Variants in NCALD observed in about 807,000 individuals in gnomAD.
The protein encoded by NCALD is neurocalcin delta.
In NCALD, 10 loss-of-function variants were observed where a neutral mutation model predicts 18.6. That is an observed-to-expected ratio of 0.54 (90% CI 0.33 to 0.91). The LOEUF (loss-of-function observed/expected upper bound fraction) is 0.91, where lower values mean the gene tolerates loss of function less well. NCALD is among the 40% of genes least tolerant of loss of function. The pLI is 0.03. For synonymous variants in NCALD, 88 were observed against 87.4 expected (o/e 1.01, Z -0.04); for missense variants, 184 against 247.6 (o/e 0.74, Z 1.72).
At chr8:101,925,550 C>T (rs917208852) in intron 2 of NCALD, among the ~76,000 whole-genome samples, 3 of 152,088 alleles carry the variant, frequency 2.0e-5, no homozygotes, top group South Asian at 2.1e-4. Context: ...ATTGCCACTT[C>T]GGGTTATGTA....
At chr8:102,077,743 G>A (rs1018711421) in intron 1 of NCALD, among the ~76,000 whole-genome samples, 4 of 152,130 alleles carry the variant, frequency 2.6e-5, no homozygotes, top group Non-Finnish European at 5.9e-5. Context: ...ACACCTTGGT[G>A]GGCCAGATAT....
Position 101,688,736 on chromosome 8 carries a change from T to C in NCALD, c.*573A>G, listed in dbSNP as rs1328750548. 1.9e-6 allele frequency: 1 copy of C among 517,592 alleles called. No homozygotes were observed. Among genetic ancestry groups the C allele is most frequent in the Admixed American group, 2.3e-5 (1 of 44,344 alleles). 32.1% of individuals were successfully genotyped at this position (517,592 alleles called of 1,614,324 possible). ...TTTTCCTCTCCTCTGTTAATTTATCTTGAAATGTTCACAGCTTAGAAACTA... is the reference window on the plus strand; with the variant it reads ...TTTTCCTCTCCTCTGTTAATTTATCCTGAAATGTTCACAGCTTAGAAACTA... On this transcript the variant is annotated 3_prime_UTR_variant, in exon 4 of 4. Coordinates refer to ENST00000220931, the MANE Select transcript of NCALD (RefSeq NM_032041.3).
intron 2 of NCALD, among the ~76,000 whole-genome samples, chr8:101,702,420 G>A (rs1298472835): frequency 6.6e-6 from 1 of 151,978 alleles, no homozygotes; most frequent in Non-Finnish European, 1.5e-5. Flanking sequence ...TGTAGAGACA[G>A]AGTCTCACTA....
At chr8:102,003,322 T>C (rs763987475) in intron 2 of NCALD, among the ~76,000 whole-genome samples, 1 of 152,230 alleles carries the variant, frequency 6.6e-6, no homozygotes, top group Non-Finnish European at 1.5e-5. Flanking sequence ...CTCCCAAGAC[T>C]AAACCAGGAA....
intron 4 of NCALD, among the ~76,000 whole-genome samples, chr8:101,873,963 C>T (rs1415192985): frequency 2.6e-5 from 4 of 152,300 alleles, no homozygotes; most frequent in Non-Finnish European, 4.4e-5. Flanking sequence ...AGGCTAAAGC[C>T]TACAAAGGTC....
At chr8:102,022,433 G>C (rs1197415609) in intron 1 of NCALD, among the ~76,000 whole-genome samples, 3 of 152,164 alleles carry the variant, frequency 2.0e-5, no homozygotes, top group Admixed American at 1.3e-4. Context: ...TCAGATGACT[G>C]CACTCTCTTG....
chr8:101,976,007 A>G (rs1820409839), intron 2 of NCALD, among the ~76,000 whole-genome samples: 1 of 152,036 alleles, frequency 6.6e-6, no homozygotes, highest in Non-Finnish European at 1.5e-5. Context: ...GAAGAAAAGT[A>G]TGCACTCCCC....
chr8:101,714,953 C>A (rs1225798350), intron 2 of NCALD, among the ~76,000 whole-genome samples: 3 of 149,464 alleles, frequency 2.0e-5, no homozygotes. Context: ...GCCGAGATTG[C>A]GCCACTGCAG....
rs759379083 is a variant in NCALD, at chr8:102,054,842, ATC to A, written c.-209-34555_-209-34554del. Among the ~76,000 whole-genome samples, 4 of 152,206 alleles carry A rather than the reference ATC, an allele frequency of 2.6e-5. No individual in the cohort carries two copies. In the South Asian group the frequency reaches 8.3e-4, roughly 32 times the overall value. ...TCTATATTTCTTCCTCTGTCTCTAT[ATC>A]TCTGTCTCTATATCCACACACACGT... is the stretch of plus-strand genomic sequence containing the variant. On this transcript the variant is annotated intron_variant, in intron 1 of 6. Coordinates refer to the NCALD transcript ENST00000311028.
rs1466228579 is a variant in NCALD, at chr8:102,015,044, C to T, written c.-157+5193G>A. On this transcript the variant is annotated intron_variant, in intron 2 of 6. Coordinates refer to the NCALD transcript ENST00000311028. ...AAGCTGAAAGTTGAGGTGATGCTCC[C>T]GAGATGGCTAGGAAATCAATAAGTT... 2.6e-5 allele frequency among the ~76,000 whole-genome samples: 4 copies of T among 152,020 alleles called. No individual in the cohort carries two copies. The South Asian group carries it at 6.2e-4, about 24-fold the overall frequency.
chr8:101,988,372 G>A (rs975629146), intron 2 of NCALD, among the ~76,000 whole-genome samples: 1 of 152,182 alleles, frequency 6.6e-6, no homozygotes, highest in Non-Finnish European at 1.5e-5. Context: ...AAGCAGTAGA[G>A]TAGGGCAGTT....
intron 1 of NCALD, among the ~76,000 whole-genome samples, chr8:102,103,100 G>C (rs1030206883): frequency 2.6e-5 from 4 of 152,102 alleles, no homozygotes; most frequent in African/African-American, 9.7e-5. Context: ...TGAGTAAGGG[G>C]AGACTCTGTG....
intron 1 of NCALD, among the ~76,000 whole-genome samples, chr8:102,082,226 C>CTCT (rs1554593203): frequency 2.8e-5 from 2 of 71,866 alleles, no homozygotes; most frequent in East Asian, 4.6e-4. Flanking sequence ...GAAGCTCTCT[C>CTCT]TTTTTTTTTT....
At chr8:101,992,056 A>G (rs1441150744) in intron 2 of NCALD, among the ~76,000 whole-genome samples, 2 of 152,206 alleles carry the variant, frequency 1.3e-5, no homozygotes, top group Non-Finnish European at 2.9e-5. Context: ...TGAAAAGTGC[A>G]TTACTACACT....
At chr8:101,929,352 GA>G in intron 2 of NCALD, among the ~76,000 whole-genome samples, 2 of 54,224 alleles carry the variant, frequency 3.7e-5, no homozygotes, top group Non-Finnish European at 7.0e-5. Flanking sequence ...AGGGAGGAAG[GA>G]AAGGGAATGG....
At chr8:102,118,063 G>A (rs899279585) in intron 1 of NCALD, among the ~76,000 whole-genome samples, 4 of 152,186 alleles carry the variant, frequency 2.6e-5, no homozygotes, top group African/African-American at 9.7e-5. Flanking sequence ...CTTTGTGTTG[G>A]CTACTATGGA....
intron 1 of NCALD, among the ~76,000 whole-genome samples, chr8:102,105,591 A>T (rs1285485009): frequency 6.6e-6 from 1 of 152,172 alleles, no homozygotes; most frequent in Non-Finnish European, 1.5e-5. Context: ...CATACGTAAG[A>T]TAAAGAAACA....
At chr8:101,829,178 A>G (rs181049766) in intron 4 of NCALD, among the ~76,000 whole-genome samples, 10 of 152,114 alleles carry the variant, frequency 6.6e-5, no homozygotes, top group African/African-American at 2.4e-4. Flanking sequence ...TTCACAACCT[A>G]TTTTCCAGAT....
chr8:102,093,213 C>T (rs1028844440), intron 1 of NCALD, among the ~76,000 whole-genome samples: 17 of 151,750 alleles, frequency 1.1e-4, no homozygotes, highest in Admixed American at 2.6e-4. Flanking sequence ...CTTCACTAAA[C>T]GCTGAGGAAT....
Sources: allele counts gnomAD v4.1 joint callset (sites outside exome capture counted in the v4.1 genomes callset), GRCh38; gene constraint gnomAD v4.1.1; transcripts MANE v1.5; gene names NCBI Gene and HGNC (gene_info 2026-07-23, HGNC 2026-07-21).